MME: variants seen among roughly 807,000 people sequenced by gnomAD.
MME encodes the protein neprilysin.
MME carries 98 observed loss-of-function variants against 113.2 expected under a neutral mutation model. That is an observed-to-expected ratio of 0.87 (90% CI 0.74 to 1.02). MME has a LOEUF of 1.02. Ranked by LOEUF, MME falls within the 50% of genes least tolerant of loss-of-function variation. The pLI, the probability that MME is intolerant of heterozygous loss-of-function variation, is 0.00. For synonymous variants in MME, 292 were observed against 300.6 expected, an observed-to-expected ratio of 0.97 and a Z score of 0.30; for missense variants, 836 against 896.0, an observed-to-expected ratio of 0.93 and a Z score of 0.86.
chr3:155,179,618 A>T (rs1425392834), intron 22 of MME, among the ~76,000 whole-genome samples: 1 of 152,116 alleles, frequency 6.6e-6, no homozygotes, highest in East Asian at 1.9e-4. Flanking sequence ...AGGAGAAGGG[A>T]AGGAGGTGGT....
At chr3:155,032,074 AGATATT>A (rs1712992341) in intron 1 of MME, among the ~76,000 whole-genome samples, 1 of 152,226 alleles carries the variant, frequency 6.6e-6, no homozygotes, top group Non-Finnish European at 1.5e-5. Context: ...CCATTTTTCT[AGATATT>A]GATGTGAGGT....
chr3:155,169,132 G>A (rs1711632104), intron 20 of MME, among the ~76,000 whole-genome samples: 1 of 152,136 alleles, frequency 6.6e-6, no homozygotes, highest in African/African-American at 2.4e-5. Flanking sequence ...TAGAAGAAAT[G>A]TCCCATAAGA....
At chr3:155,156,634 A>G (rs1257031776) in intron 16 of MME, among the ~76,000 whole-genome samples, 1 of 152,176 alleles carries the variant, frequency 6.6e-6, no homozygotes, top group Non-Finnish European at 1.5e-5. Flanking sequence ...ATAAAAGTAT[A>G]CAGAAAACTT....
intron 17 of MME, among the ~76,000 whole-genome samples, chr3:155,162,684 T>C (rs1478620367): frequency 2.0e-5 from 3 of 152,086 alleles, no homozygotes; most frequent in Non-Finnish European, 2.9e-5. Context: ...TAAAAATAGT[T>C]GAAGAGTCAA....
intron 8 of MME, among the ~76,000 whole-genome samples, chr3:155,128,168 T>C (rs567098993): frequency 6.6e-6 from 1 of 152,344 alleles, no homozygotes; most frequent in African/African-American, 2.4e-5. Flanking sequence ...ATCCCAGAAA[T>C]GGGTAATTAT....
chr3:155,146,956 C>T (rs1176070094), intron 14 of MME, among the ~76,000 whole-genome samples, 188 bp from the exon 15 acceptor site: 2 of 152,072 alleles, frequency 1.3e-5, no homozygotes, highest in African/African-American at 4.8e-5. Context: ...CAATTTCAGA[C>T]CTGATTTTCA....
At chr3:155,105,499 C>T (rs1040097030) in intron 3 of MME, among the ~76,000 whole-genome samples, 2 of 152,114 alleles carry the variant, frequency 1.3e-5, no homozygotes, top group Non-Finnish European at 2.9e-5. Context: ...TTTGTAACCA[C>T]CCCATACCTA....
chr3:155,050,846 T>C (rs1167744158), intron 1 of MME, among the ~76,000 whole-genome samples: 2 of 152,186 alleles, frequency 1.3e-5, no homozygotes, highest in African/African-American at 4.8e-5. Context: ...TCAATCCCAC[T>C]TGTCAACATT....
intron 8 of MME, among the ~76,000 whole-genome samples, chr3:155,126,070 A>C (rs1026591616): frequency 6.6e-6 from 1 of 152,220 alleles, no homozygotes; most frequent in Non-Finnish European, 1.5e-5. Flanking sequence ...CAACACTGAA[A>C]TGAAGAAAAA....
chr3:155,057,137 A>G (rs939990184), intron 1 of MME, among the ~76,000 whole-genome samples: 11 of 152,166 alleles, frequency 7.2e-5, no homozygotes, highest in Non-Finnish European at 1.5e-4. Flanking sequence ...AGCAAAAGAA[A>G]CTACCATCAG....
upstream of MME, chr3:155,079,634 G>GC (rs1344683804): frequency 2.9e-5 from 4 of 140,334 alleles, no homozygotes; most frequent in East Asian, 5.2e-4. Flanking sequence ...AGGGGGTGGG[G>GC]GGGGTGGGCC....
intron 22 of MME, among the ~76,000 whole-genome samples, chr3:155,177,292 G>A (rs1712637011): frequency 6.6e-6 from 1 of 152,146 alleles, no homozygotes; most frequent in Non-Finnish European, 1.5e-5. Context: ...GTCAACCAGG[G>A]AGCTTGCTCC....
chr3:155,089,489 G>A (rs938696636), intron 3 of MME, among the ~76,000 whole-genome samples: 1 of 152,166 alleles, frequency 6.6e-6, no homozygotes, highest in African/African-American at 2.4e-5. Flanking sequence ...CCAACTAGAT[G>A]TCCAGTAGCA....
intron 22 of MME, among the ~76,000 whole-genome samples, chr3:155,179,462 A>G (rs1367568116): frequency 3.9e-5 from 6 of 152,154 alleles, no homozygotes; most frequent in African/African-American, 1.2e-4. Context: ...AGATGTACAC[A>G]CAGTAGTACA....
At chr3:155,174,543 A>C (rs565428743) in intron 22 of MME, among the ~76,000 whole-genome samples, 2 of 152,232 alleles carry the variant, frequency 1.3e-5, no homozygotes, top group African/African-American at 4.8e-5. Flanking sequence ...TTTTTAAAAA[A>C]ACTTTAAAAA....
At chr3:155,094,225 T>C (rs1393090700) in intron 3 of MME, among the ~76,000 whole-genome samples, 1 of 152,210 alleles carries the variant, frequency 6.6e-6, no homozygotes, top group Admixed American at 6.5e-5. Context: ...ACTTTTAGCA[T>C]GGGAGATCTG....
At chr3:155,105,809 G>A (rs1309818083) in intron 3 of MME, among the ~76,000 whole-genome samples, 2 of 152,150 alleles carry the variant, frequency 1.3e-5, no homozygotes, top group East Asian at 1.9e-4. Flanking sequence ...TTGGCACTTG[G>A]CGTTTGACAT....
At chr3:155,177,651 C>T (rs1017289599) in intron 22 of MME, among the ~76,000 whole-genome samples, 1 of 152,128 alleles carries the variant, frequency 6.6e-6, no homozygotes, top group African/African-American at 2.4e-5. Flanking sequence ...AGACTGCAGA[C>T]TTCTCCTTGT....
intron 16 of MME, among the ~76,000 whole-genome samples, chr3:155,151,128 G>T (rs1021934125): frequency 6.6e-6 from 1 of 152,046 alleles, no homozygotes; most frequent in African/African-American, 2.4e-5. Context: ...TTTTTGTGGA[G>T]CACCAAGTTC....
Sources: gnomAD v4.1 joint callset for allele counts (sites outside exome capture counted in the v4.1 genomes callset) on GRCh38, gnomAD v4.1.1 for gene constraint, MANE v1.5 for transcripts, NCBI Gene and HGNC (gene_info 2026-07-23, HGNC 2026-07-21) for gene names.